SF3B2: variants seen among roughly 807,000 people sequenced by gnomAD.
SF3B2 encodes splicing factor 3b subunit 2.
In SF3B2, 22 loss-of-function variants were observed where a neutral mutation model predicts 116.3. The ratio of observed to expected loss-of-function variants is 0.19; its 90% CI spans 0.14 to 0.27. The LOEUF (loss-of-function observed/expected upper bound fraction) is 0.27, where lower values mean the gene tolerates loss of function less well. Among genes scored for constraint, SF3B2 ranks in the 10% least tolerant of loss-of-function variants. SF3B2 has a pLI of 1.00. For synonymous variants in SF3B2, 406 were observed against 421.6 expected (o/e 0.96, Z 0.45); for missense variants, 767 against 1,151.4 (o/e 0.67, Z 4.83).
In SF3B2 at chr11:66,057,424, T is replaced by C. The variant is rs1373981393; in HGVS notation, c.777+49T>C. The C allele has an allele frequency of 8.7e-6, 8 of 914,430 alleles. No individual in the cohort carries two copies. The East Asian group carries it at 1.7e-4, about 19-fold the overall frequency. 56.6% of individuals were successfully genotyped at this position (914,430 alleles called of 1,614,324 possible). A position where few individuals can be genotyped will look rare whatever the true frequency, so the allele number is the denominator to read the frequency against. ...GGGATAAGAGAGTGGTAGTTTAGGATGGGACTATTTTTGGATTTTTAGAGA... is the reference window on the plus strand; with the variant it reads ...GGGATAAGAGAGTGGTAGTTTAGGACGGGACTATTTTTGGATTTTTAGAGA... On this transcript the variant is annotated intron_variant, in intron 7 of 21. Coordinates refer to ENST00000322535, the MANE Select transcript of SF3B2 (RefSeq NM_006842.3).
In SF3B2 at chr11:66,059,351, C is replaced by T. The variant is rs1470214870; in HGVS notation, c.1320+13C>T. On this transcript the variant is annotated intron_variant, in intron 11 of 21. Transcript: ENST00000322535. This position sits in a 1 kb window ranked among gnomAD's most constrained non-coding sequence, Gnocchi z 5.0. Reference sequence around the variant, plus strand: ...TGATGACGAGCAGGTCAGGCCCAGCCCTCCTGGTGGGAAGCAGGGACTCTG... The same window carrying T: ...TGATGACGAGCAGGTCAGGCCCAGCTCTCCTGGTGGGAAGCAGGGACTCTG... 2 of 1,613,678 alleles carry T rather than the reference C, an allele frequency of 1.2e-6. No homozygotes were observed. Among genetic ancestry groups the T allele is most frequent in the Non-Finnish European group, 1.7e-6 (2 of 1,179,830 alleles).
Position 66,056,869 on chromosome 11 carries a change from A to G in SF3B2, c.581A>G (p.Gln194Arg). 6 of 1,614,120 alleles carry G rather than the reference A, an allele frequency of 3.7e-6. No individual in the cohort carries two copies. The highest frequency in any genetic ancestry group is 5.1e-6 in the Non-Finnish European group (6 of 1,179,988). ...GTGTTACTGGAGCAGGAACGACAGC[A>G]GGAGATTGCCAAGATGGGCACCCCA... is the stretch of plus-strand genomic sequence containing the variant. ...AAVLLEQERQ[Q>R]EIAKMGTPVP... The change falls in exon 6 of 22, where the codon CAG becomes CGG. Residue 194 changes from glutamine (Q) to arginine (R), a missense_variant. Physicochemically the swap from Gln to Arg is conservative, Grantham distance 43. This residue lies in a region of SF3B2 where 455 missense variants were observed against 537.5 expected (regional missense o/e 0.85). Transcript: ENST00000322535.
At position 66,058,319 on chromosome 11, in the gene SF3B2, G is replaced by A. The variant is rs1857038357; in HGVS notation, c.880G>A (p.Glu294Lys). 4 of 1,614,026 alleles carry A rather than the reference G, an allele frequency of 2.5e-6. No homozygotes were observed. Among genetic ancestry groups the A allele is most frequent in the Non-Finnish European group, 3.4e-6 (4 of 1,179,982 alleles). ...QEEMNSQQEE[E>K]EMETDARSSL... ...CACCACCTTCTTCCTTACAGAGGAAGAGGAAATGGAAACAGATGCTCGCTC... is the reference window on the plus strand; with the variant it reads ...CACCACCTTCTTCCTTACAGAGGAAAAGGAAATGGAAACAGATGCTCGCTC... Residue 294 changes from glutamate to lysine, a missense_variant, in exon 9 of 22, where the codon GAG becomes AAG. Transcript: ENST00000322535.
At chr11:66,067,804 C>CA (rs1448530858) in intron 19 of SF3B2, 142 bp from the exon 20 acceptor site, 1 of 674,484 alleles carries the variant, frequency 1.5e-6, no homozygotes, top group African/African-American at 1.8e-5. Flanking sequence ...CTGTCATGGG[C>CA]AGAACTGCAG....
chr11:66,056,906 C>G lies in SF3B2; in HGVS notation c.618C>G (p.Pro206=), dbSNP rs776301002. Residue 206 remains proline (P), a synonymous_variant, in exon 6 of 22, where the codon CCC becomes CCG. Coordinates refer to ENST00000322535, the MANE Select transcript of SF3B2 (RefSeq NM_006842.3). ...IAKMGTPVPR[P]PQDMGQIGVR... ...AGATGGGCACCCCAGTCCCTCGGCC[C>G]CCACAAGACATGGGCCAGATTGGTG... 6.2e-7 allele frequency: 1 copy of G among 1,614,040 alleles called. No homozygotes were observed. Among genetic ancestry groups the G allele is most frequent in the Non-Finnish European group, 8.5e-7 (1 of 1,180,030 alleles).
At position 66,067,993 on chromosome 11, in the gene SF3B2, C is replaced by T. The variant is rs778566339; in HGVS notation, c.2378C>T (p.Ala793Val). ...ACTGTGTTGCCAGAGAAGAGAACAG[C>T]CACTGTTGGAGGGGCCATGATGGGA... is the stretch of plus-strand genomic sequence containing the variant. The part of the protein sequence containing the change: ...LFTVLPEKRT[A>V]TVGGAMMGST... Residue 793 changes from alanine (A) to valine (V), a missense_variant, in exon 20 of 22, where the codon GCC becomes GTC. By Grantham distance (64) the Ala-to-Val change is moderately conservative. This residue lies in a region of SF3B2 where 282 missense variants were observed against 568.0 expected (regional missense o/e 0.50). Coordinates refer to ENST00000322535, the MANE Select transcript of SF3B2 (RefSeq NM_006842.3). The T allele has an allele frequency of 1.2e-6, 2 of 1,614,174 alleles. No individual in the cohort carries two copies. The highest frequency in any genetic ancestry group is 2.2e-5 in the East Asian group (1 of 44,874).
intron 16 of SF3B2, among the ~76,000 whole-genome samples, chr11:66,062,710 T>C (rs1008392945): frequency 6.6e-6 from 1 of 152,174 alleles, no homozygotes; most frequent in Admixed American, 6.5e-5. Flanking sequence ...GAAAACTCAA[T>C]AAGAAATTGA....
At chr11:66,060,104 C>A in intron 13 of SF3B2, 95 bp downstream of exon 13, 2 of 1,054,044 alleles carry the variant, frequency 1.9e-6, no homozygotes, top group Non-Finnish European at 2.8e-6. Context: ...AACCCACCTA[C>A]CACCTACTTG....
intron 5 of SF3B2, 103 bp downstream of exon 5, chr11:66,055,688 G>T: frequency 9.7e-7 from 1 of 1,033,136 alleles, no homozygotes; most frequent in Non-Finnish European, 1.5e-6. Context: ...AGGCTACTTT[G>T]TTCTCAACTA....
At position 66,059,211 on chromosome 11, in the gene SF3B2, A is replaced by T. The variant is rs1488849406; in HGVS notation, c.1193A>T (p.Asp398Val). The change falls in exon 11 of 22, where the codon GAT becomes GTT. Residue 398 changes from aspartate to valine, a missense_variant. Physicochemically the swap from Asp to Val is radical, Grantham distance 152 (BLOSUM62 -3). Around this residue, in one of 4 missense-constraint regions of SF3B2, gnomAD observed 455 missense variants for 537.5 expected, o/e 0.85. Coordinates refer to ENST00000322535, the MANE Select transcript of SF3B2 (RefSeq NM_006842.3). The surrounding 1 kb of genome is among the most constrained non-coding windows in gnomAD (Gnocchi z 5.0). ...RIFEAFKLTDDVKKEKEKEPE... is the reference protein window; with the variant it reads ...RIFEAFKLTDVVKKEKEKEPE... The stretch of plus-strand genomic sequence containing the variant: ...TGTCTGCCTCCTTAGCTCACTGATG[A>T]TGTGAAGAAGGAGAAAGAGAAGGAG... 1 of 1,613,974 alleles carries T rather than the reference A, an allele frequency of 6.2e-7. No homozygotes were observed. Among genetic ancestry groups the T allele is most frequent in the Non-Finnish European group, 8.5e-7 (1 of 1,180,034 alleles).
At chr11:66,056,427 A>T (rs1315406780) in intron 5 of SF3B2, among the ~76,000 whole-genome samples, 1 of 150,300 alleles carries the variant, frequency 6.7e-6, no homozygotes, top group Non-Finnish European at 1.5e-5. Flanking sequence ...AAAAAGCCAC[A>T]AGTCTGGACC....
rs1396469996 is a variant in SF3B2, at chr11:66,057,381, A to C, written c.777+6A>C. 1 of 1,262,356 alleles carries C rather than the reference A, an allele frequency of 7.9e-7. No homozygotes were observed. The highest frequency in any genetic ancestry group is 1.8e-5 in the Admixed American group (1 of 56,998). 78.2% of individuals were successfully genotyped at this position (1,262,356 alleles called of 1,614,324 possible). Reference sequence around the variant, plus strand: ...CTGGAGATGAGAACAGAGAGGTGAGACTGATGATTTATTCCTAGGGATAAG... The same window carrying C: ...CTGGAGATGAGAACAGAGAGGTGAGCCTGATGATTTATTCCTAGGGATAAG... On this transcript the variant is annotated splice_donor_region_variant and intron_variant, in intron 7 of 21. Transcript: ENST00000322535.
intron 16 of SF3B2, among the ~76,000 whole-genome samples, chr11:66,062,682 C>G (rs1314352912): frequency 6.6e-6 from 1 of 152,116 alleles, no homozygotes; most frequent in Admixed American, 6.5e-5. Flanking sequence ...TCTGAACAAG[C>G]TAGCTTTCCA....
Position 66,059,761 on chromosome 11 carries a change from G to C in SF3B2, c.1402-21G>C. The C allele has an allele frequency of 6.2e-7, 1 of 1,612,836 alleles. No individual in the cohort carries two copies. The highest frequency in any genetic ancestry group is 1.3e-5 in the African/African-American group (1 of 75,002). Reference sequence around the variant, plus strand: ...GAGAAGTCGGGGCTCTCGAGAACACGCATTACTATGTGTTTTCCAGCTGGT... The same window carrying C: ...GAGAAGTCGGGGCTCTCGAGAACACCCATTACTATGTGTTTTCCAGCTGGT... On this transcript the variant is annotated intron_variant, in intron 12 of 21. Coordinates refer to ENST00000322535, the MANE Select transcript of SF3B2 (RefSeq NM_006842.3). This position sits in a 1 kb window ranked among gnomAD's most constrained non-coding sequence, Gnocchi z 5.0.
At chr11:66,064,896 C>T (rs493320) in intron 19 of SF3B2, 1 of 151,876 alleles carries the variant, frequency 6.6e-6, no homozygotes, top group African/African-American at 2.4e-5. Flanking sequence ...CTTAAAAATT[C>T]TTTATTTGGC....
intron 2 of SF3B2, 71 bp from the exon 3 acceptor site, chr11:66,052,956 G>A (rs1373482988): frequency 2.0e-6 from 3 of 1,488,456 alleles, no homozygotes; most frequent in Non-Finnish European, 1.9e-6. Flanking sequence ...TTTGTTGAAT[G>A]AATTGGGAGC....
rs1238855652 is a variant in SF3B2 at position 66,065,271 on chromosome 11, T to G, written c.2330+1542T>G. 3 of 152,228 alleles carry G rather than the reference T, an allele frequency of 2.0e-5. No homozygotes were observed. The East Asian group carries it at 5.8e-4, about 29-fold the overall frequency. 9.4% of individuals were successfully genotyped at this position (152,228 alleles called of 1,614,324 possible). A position where few individuals can be genotyped will look rare whatever the true frequency, so the allele number is the denominator to read the frequency against. On this transcript the variant is annotated intron_variant, in intron 19 of 21. Coordinates refer to ENST00000322535, the MANE Select transcript of SF3B2 (RefSeq NM_006842.3). ...ACATGTGTGAGTGACCGCATCAGCC[T>G]TCTTTCAGTACTTTTAAGATGTTGC...
intron 13 of SF3B2, 66 bp from the exon 14 acceptor site, chr11:66,060,516 G>C (rs1288595528): frequency 1.1e-5 from 17 of 1,581,194 alleles, no homozygotes; most frequent in Non-Finnish European, 1.5e-5. Flanking sequence ...TTGGAGTTGG[G>C]AGCTGGATTC....
In SF3B2 at chr11:66,059,752, C is replaced by A. The variant is rs560704373; in HGVS notation, c.1402-30C>A. 6.2e-7 allele frequency: 1 copy of A among 1,611,476 alleles called. No homozygotes were observed. The highest frequency in any genetic ancestry group is 1.7e-5 in the Admixed American group (1 of 59,992). On this transcript the variant is annotated intron_variant, in intron 12 of 21. Transcript: ENST00000322535. The surrounding 1 kb of genome is among the most constrained non-coding windows in gnomAD (Gnocchi z 5.0). ...TTCAGAACTGAGAAGTCGGGGCTCT[C>A]GAGAACACGCATTACTATGTGTTTT... is the stretch of plus-strand genomic sequence containing the variant.
Sources: allele counts gnomAD v4.1 joint callset (sites outside exome capture counted in the v4.1 genomes callset), GRCh38; gene constraint gnomAD v4.1.1; regional missense constraint gnomAD v4.1.1; non-coding constraint Gnocchi (gnomAD v3.1); transcripts MANE v1.5; gene names NCBI Gene and HGNC (gene_info 2026-07-23, HGNC 2026-07-21).